Variants in PLXNB3 observed in about 807,000 individuals in gnomAD.
PLXNB3 encodes the protein plexin B3.
Under a neutral mutation model 125.7 loss-of-function variants are expected in PLXNB3, and 80 were observed. That is an observed-to-expected ratio of 0.64 (90% CI 0.53 to 0.77). The LOEUF is 0.77. PLXNB3 is among the 30% of genes least tolerant of loss of function. PLXNB3 has a pLI of 0.00. For missense variants in PLXNB3, 1,836 were observed against 1,729.3 expected (o/e 1.06, Z -1.09); for synonymous variants, 954 against 783.3 (o/e 1.22, Z -3.64).
rs781796787 is a variant in PLXNB3 at position 153,777,388 on chromosome X, C to T, written c.5100+8C>T. On this transcript the variant is annotated splice_region_variant and intron_variant, in intron 30 of 35. Transcript: ENST00000361971. The stretch of plus-strand genomic sequence containing the variant: ...CGTCTGCTGTCCATGAAGGTTGGTG[C>T]GGCCTGGGTGGCTGGGCCTGAGAGG... The T allele has an allele frequency of 5.0e-6, 6 of 1,189,046 alleles. No homozygotes were observed. Among genetic ancestry groups the T allele is most frequent in the Non-Finnish European group, 6.8e-6 (6 of 880,635 alleles).
Position 153,770,270 on chromosome X carries a change from G to C in PLXNB3, c.1786+22G>C, listed in dbSNP as rs781835383. 31 of 1,207,379 alleles carry C rather than the reference G, an allele frequency of 2.6e-5. No individual in the cohort carries two copies. In the Admixed American group the frequency reaches 6.5e-4, roughly 25 times the overall value. Reference sequence around the variant, plus strand: ...ACAGGTGAGTGGCCCATGGGGTAGGGGGCTGGGATGGAGGCTGGAGGGGTA... The same window carrying C: ...ACAGGTGAGTGGCCCATGGGGTAGGCGGCTGGGATGGAGGCTGGAGGGGTA... On this transcript the variant is annotated intron_variant, in intron 8 of 35. Coordinates refer to ENST00000361971, the MANE Select transcript of PLXNB3 (RefSeq NM_005393.3).
chrX:153,773,298 C>T lies in PLXNB3; in HGVS notation c.2975C>T (p.Ala992Val), dbSNP rs781999056. The T allele has an allele frequency of 2.8e-5, 34 of 1,208,715 alleles. No individual in the cohort carries two copies. Among genetic ancestry groups the T allele is most frequent in the Admixed American group, 1.5e-4 (7 of 45,945 alleles). Reference protein sequence around the residue: ...TRPQAAPGEAAVLVVFGHAQR... With the variant: ...TRPQAAPGEAVVLVVFGHAQR... ...CCCCAGGCTGCCCCAGGAGAAGCAGCGGTCCTTGTGGTCTTTGGCCATGCC... is the reference window on the plus strand; with the variant it reads ...CCCCAGGCTGCCCCAGGAGAAGCAGTGGTCCTTGTGGTCTTTGGCCATGCC... Residue 992 changes from alanine to valine, a missense_variant, in exon 18 of 36, where the codon GCG becomes GTG. Physicochemically the swap from Ala to Val is moderately conservative, Grantham distance 64 (BLOSUM62 0). Transcript: ENST00000361971.
chrX:153,768,937 C>A lies in PLXNB3; in HGVS notation c.1267-11C>A, dbSNP rs781851521. The stretch of plus-strand genomic sequence containing the variant: ...CATCTGGCCCAGCCTCGTCCTTGTC[C>A]CCCCACTCAGGTCTTTCTCCACGGC... On this transcript the variant is annotated splice_polypyrimidine_tract_variant and intron_variant, in intron 4 of 35. Coordinates refer to ENST00000361971, the MANE Select transcript of PLXNB3 (RefSeq NM_005393.3). The A allele has an allele frequency of 2.1e-5, 25 of 1,207,342 alleles. No homozygotes were observed. Among genetic ancestry groups the A allele is most frequent in the Admixed American group, 1.3e-4 (6 of 45,691 alleles).
Position 153,766,541 on chromosome X carries a change from C to T in PLXNB3, c.46-332C>T, listed in dbSNP as rs782145417. The T allele has an allele frequency of 1.4e-4, 140 of 1,014,681 alleles. No homozygotes were observed. The African/African-American group carries it at 2.3e-3, about 17-fold the overall frequency. The allele number at this position is 1,014,681 out of a possible 1,213,427, so 83.6% of individuals were successfully genotyped here. A position where few individuals can be genotyped will look rare whatever the true frequency, so the allele number is the denominator to read the frequency against. ...AGTCCCTCTGTTAGCGCTCTTGCGGCTTTCCAGGACCTGCCCCCCTTCAAC... is the reference window on the plus strand; with the variant it reads ...AGTCCCTCTGTTAGCGCTCTTGCGGTTTTCCAGGACCTGCCCCCCTTCAAC... On this transcript the variant is annotated intron_variant, in intron 2 of 35. Coordinates refer to ENST00000361971, the MANE Select transcript of PLXNB3 (RefSeq NM_005393.3).
Position 153,767,009 on chromosome X carries a change from C to T in PLXNB3, c.182C>T (p.Pro61Leu), listed in dbSNP as rs1233346105. ...NTTLNHLALA[P>L]GRGTLYVGAV... ...ACTCTCAACCACTTGGCACTGGCAC[C>T]TGGCCGAGGCACACTCTATGTCGGC... Residue 61 changes from proline to leucine, a missense_variant, in exon 3 of 36, where the codon CCT (proline) becomes CTT (leucine). Physicochemically the swap from Pro to Leu is moderately conservative, Grantham distance 98. Coordinates refer to ENST00000361971, the MANE Select transcript of PLXNB3 (RefSeq NM_005393.3). 8.3e-7 allele frequency: 1 copy of T among 1,209,735 alleles called. No homozygotes were observed. Among genetic ancestry groups the T allele is most frequent in the Non-Finnish European group, 1.1e-6 (1 of 895,267 alleles).
At position 153,777,266 on chromosome X, in the gene PLXNB3, A is replaced by C; in HGVS notation, c.4986A>C (p.Lys1662Asn). ...EGGVCLWHLV[K>N]ATEEPEGAKV... is the part of the protein sequence containing the mutation. Reference sequence around the variant, plus strand: ...GGGTGTGCCTCTGGCACCTGGTGAAAGCCACCGAGGAGCCAGAAGGGGCCA... The same window carrying C: ...GGGTGTGCCTCTGGCACCTGGTGAACGCCACCGAGGAGCCAGAAGGGGCCA... Residue 1662 changes from lysine (K) to asparagine (N), a missense_variant, in exon 30 of 36, where the codon AAA becomes AAC. By Grantham distance (94) the Lys-to-Asn change is moderately conservative. Transcript: ENST00000361971. 8.4e-7 allele frequency: 1 copy of C among 1,194,591 alleles called. No homozygotes were observed. The highest frequency in any genetic ancestry group is 1.1e-6 in the Non-Finnish European group (1 of 885,736).
At chrX:153,766,426 G>A (rs1427482186) in intron 2 of PLXNB3, 5 of 1,073,274 alleles carry the variant, frequency 4.7e-6, no homozygotes, top group Non-Finnish European at 6.0e-6. Flanking sequence ...GCAGGGGCGC[G>A]CTGTGACACA....
Position 153,772,208 on chromosome X carries a change from C to A in PLXNB3, c.2696C>A (p.Pro899His), listed in dbSNP as rs2091938969. 2.5e-6 allele frequency: 3 copies of A among 1,206,450 alleles called. No individual in the cohort carries two copies. Among genetic ancestry groups the A allele is most frequent in the African/African-American group, 3.5e-5 (2 of 56,678 alleles). The change falls in exon 16 of 36, where the codon CCC becomes CAC. Residue 899 changes from proline to histidine, a missense_variant. Coordinates refer to ENST00000361971, the MANE Select transcript of PLXNB3 (RefSeq NM_005393.3). Reference sequence around the variant, plus strand: ...ATTGTGTGTGTGACATCTCCTGCCCCCAATGGCACCACTGGGCCCGTCCGG... The same window carrying A: ...ATTGTGTGTGTGACATCTCCTGCCCACAATGGCACCACTGGGCCCGTCCGG... Reference protein sequence around the residue: ...ARIVCVTSPAPNGTTGPVRVA... With the variant: ...ARIVCVTSPAHNGTTGPVRVA...
chrX:153,777,242 G>A lies in PLXNB3; in HGVS notation c.4962G>A (p.Gly1654=), dbSNP rs781803943. The A allele has an allele frequency of 2.5e-6, 3 of 1,178,888 alleles. No homozygotes were observed. The highest frequency in any genetic ancestry group is 3.5e-5 in the African/African-American group (2 of 57,315). ...CGCTGGAGGATGGCGAGGAGGGGGGGGTGTGCCTCTGGCACCTGGTGAAAG... is the reference window on the plus strand; with the variant it reads ...CGCTGGAGGATGGCGAGGAGGGGGGAGTGTGCCTCTGGCACCTGGTGAAAG... The part of the protein sequence containing the change: ...IPTLEDGEEG[G]VCLWHLVKAT... Residue 1654 remains glycine (G), a synonymous_variant, in exon 30 of 36, where the codon GGG becomes GGA. Transcript: ENST00000361971.
In PLXNB3 at chrX:153,769,265, G is replaced by A. The variant is rs1287820037; in HGVS notation, c.1496+3G>A. On this transcript the variant is annotated splice_donor_region_variant and intron_variant, in intron 6 of 35. Transcript: ENST00000361971. ...GGCTGGTGTGTCCTCCAGGGCAGGT[G>A]AGCACGGGGCCTGTGCCTAGGCTAG... 4.4e-6 allele frequency: 5 copies of A among 1,149,291 alleles called. No homozygotes were observed. Among genetic ancestry groups the A allele is most frequent in the Non-Finnish European group, 5.8e-6 (5 of 857,655 alleles). The allele number at this position is 1,149,291 out of a possible 1,213,427, so 94.7% of individuals were successfully genotyped here. A position where few individuals can be genotyped will look rare whatever the true frequency, so the allele number is the denominator to read the frequency against.
rs2091911648 is a variant in PLXNB3 at position 153,770,240 on chromosome X, C to A, written c.1778C>A (p.Pro593Gln). 1 of 1,209,511 alleles carries A rather than the reference C, an allele frequency of 8.3e-7. No individual in the cohort carries two copies. The highest frequency in any genetic ancestry group is 1.1e-6 in the Non-Finnish European group (1 of 895,088). ...CAAGACCAGGTGCCACTTAACCCTC[C>A]AGGCACAGGTGAGTGGCCCATGGGG... ...PPQDQVPLNPPGTDHVTVPLA... is the reference protein window; with the variant it reads ...PPQDQVPLNPQGTDHVTVPLA... The change falls in exon 8 of 36, where the codon CCA (proline) becomes CAA (glutamine). Residue 593 changes from proline (P) to glutamine (Q), a missense_variant. Physicochemically the swap from Pro to Gln is moderately conservative, Grantham distance 76. Coordinates refer to ENST00000361971, the MANE Select transcript of PLXNB3 (RefSeq NM_005393.3).
chrX:153,766,459 C>T lies in PLXNB3; in HGVS notation c.46-414C>T. The T allele has an allele frequency of 2.8e-6, 3 of 1,072,583 alleles. No homozygotes were observed. In the South Asian group the frequency reaches 7.7e-5, roughly 27 times the overall value. The allele number at this position is 1,072,583 out of a possible 1,213,427, so 88.4% of individuals were successfully genotyped here. On this transcript the variant is annotated intron_variant, in intron 2 of 35. Transcript: ENST00000361971. Reference sequence around the variant, plus strand: ...ACAGCTTCCGCCAGCCTTCCAGCTCCCGCGGCCTCCCTCCCTCCCCTGCCC... The same window carrying T: ...ACAGCTTCCGCCAGCCTTCCAGCTCTCGCGGCCTCCCTCCCTCCCCTGCCC...
At chrX:153,775,706 C>T (rs1557063842) in intron 26 of PLXNB3, 46 bp downstream of exon 26, 2 of 1,157,769 alleles carry the variant, frequency 1.7e-6, no homozygotes, top group African/African-American at 1.8e-5. Context: ...GTGGCAGACT[C>T]CTCCCCTCTT....
chrX:153,778,379 G>C lies in PLXNB3; in HGVS notation c.5475-17G>C. ...GGAAGGGGGCTGCCCCACCCCTAAC[G>C]AAGTCTGCTCCTCCAGGTACTATGC... On this transcript the variant is annotated splice_polypyrimidine_tract_variant and intron_variant, in intron 33 of 35. Coordinates refer to ENST00000361971, the MANE Select transcript of PLXNB3 (RefSeq NM_005393.3). 2 of 1,211,069 alleles carry C rather than the reference G, an allele frequency of 1.7e-6. No homozygotes were observed.
rs782561986 is a variant in PLXNB3, at chrX:153,777,711, C to T, written c.5261+23C>T. 1.2e-5 allele frequency: 14 copies of T among 1,201,967 alleles called. No individual in the cohort carries two copies. In the Admixed American group the frequency reaches 3.1e-4, roughly 26 times the overall value. ...CAGGTGCCTTTCCTGCTGCCCCACC[C>T]CTGCTGTGCATATGGTCCACTGAGT... On this transcript the variant is annotated intron_variant, in intron 31 of 35. Coordinates refer to ENST00000361971, the MANE Select transcript of PLXNB3 (RefSeq NM_005393.3).
At chrX:153,772,670 G>C in intron 16 of PLXNB3, 2 of 1,003,172 alleles carry the variant, frequency 2.0e-6, no homozygotes, top group Non-Finnish European at 2.5e-6. Flanking sequence ...GAGGATGAAA[G>C]AGCCCCACTT....
chrX:153,778,587 G>T lies in PLXNB3; in HGVS notation c.5551-13G>T, dbSNP rs781906230. Reference sequence around the variant, plus strand: ...CTGGGACCTCACTGCCCCCCTCCACGTGGTGCCCCCAGAACTACACTTCTG... The same window carrying T: ...CTGGGACCTCACTGCCCCCCTCCACTTGGTGCCCCCAGAACTACACTTCTG... On this transcript the variant is annotated splice_polypyrimidine_tract_variant and intron_variant, in intron 34 of 35. Coordinates refer to ENST00000361971, the MANE Select transcript of PLXNB3 (RefSeq NM_005393.3). 2.5e-5 allele frequency: 30 copies of T among 1,196,821 alleles called. No individual in the cohort carries two copies. The Admixed American group carries it at 5.4e-4, about 21-fold the overall frequency.
At chrX:153,771,801 C>T (rs2091933302) in intron 14 of PLXNB3, 63 bp from the exon 15 acceptor site, 3 of 1,171,409 alleles carry the variant, frequency 2.6e-6, no homozygotes, top group Non-Finnish European at 3.4e-6. Context: ...GGCCGGGCAC[C>T]CAGCACTGCA....
intron 7 of PLXNB3, 46 bp downstream of exon 7, chrX:153,769,985 G>A: frequency 1.7e-6 from 2 of 1,193,768 alleles, no homozygotes; most frequent in Non-Finnish European, 2.3e-6. Flanking sequence ...CATGACCACT[G>A]CCTGGAGCAT....
Sources: gnomAD v4.1 joint callset for allele counts on GRCh38, gnomAD v4.1.1 for gene constraint, MANE v1.5 for transcripts, NCBI Gene and HGNC (gene_info 2026-07-23, HGNC 2026-07-21) for gene names.